Variants in FAT3 observed in about 807,000 individuals in gnomAD.
FAT3 encodes FAT atypical cadherin 3, also known as protocadherin Fat 3.
FAT3 carries 95 observed loss-of-function variants against 310.2 expected under a neutral mutation model. The ratio of observed to expected loss-of-function variants is 0.31; its 90% confidence interval spans 0.26 to 0.36. The LOEUF (loss-of-function observed/expected upper bound fraction) is 0.36, where lower values mean the gene tolerates loss of function less well. Among genes scored for constraint, FAT3 ranks in the 10% least tolerant of loss-of-function variants. FAT3 has a pLI of 1.00. For missense variants in FAT3, 5,408 were observed against 5,715.6 expected (o/e 0.95, Z 1.74); for synonymous variants, 2,314 against 2,192.9 (o/e 1.06, Z -1.54).
Position 92,478,953 on chromosome 11 carries a change from T to TTTCTTTCTTTCTTTCTTTCTTTC in FAT3, c.3293-45679_3293-45678insCTTTCTTTCTTTCTTTCTTTCTT, listed in dbSNP as rs373667758. ...TTCCTTCTCTTTCTTTCTTTCTTTCTTTTCTTTTCTTTTCTTTTCTTTTCT... is the reference window on the plus strand; with the variant it reads ...TTCCTTCTCTTTCTTTCTTTCTTTCTTTCTTTCTTTCTTTCTTTCTTTCTTTCTTTTCTTTTCTTTTCTTTTCT... On this transcript the variant is annotated intron_variant, in intron 2 of 27. Transcript: ENST00000525166. 3.5e-3 allele frequency among the ~76,000 whole-genome samples: 367 copies of TTTCTTTCTTTCTTTCTTTCTTTC among 103,840 alleles called. 1 individual carries two copies. The highest frequency in any genetic ancestry group is 0.011 in the African/African-American group (275 of 25,396). 68.1% of individuals were successfully genotyped at this position (103,840 alleles called of 152,430 possible).
intron 2 of FAT3, among the ~76,000 whole-genome samples, chr11:92,514,092 A>G (rs1043701746): frequency 2.0e-5 from 3 of 152,218 alleles, no homozygotes; most frequent in Admixed American, 6.5e-5. Context: ...CACAATGTAC[A>G]CATTTTTTTC....
intron 2 of FAT3, among the ~76,000 whole-genome samples, chr11:92,521,613 A>ACAT (rs1274083752): frequency 1.3e-5 from 2 of 152,178 alleles, no homozygotes; most frequent in African/African-American, 4.8e-5. Flanking sequence ...CTTGGGTTGA[A>ACAT]CATCTTCTCT....
At chr11:92,243,402 A>G (rs1200697004) in intron 1 of FAT3, among the ~76,000 whole-genome samples, 1 of 152,042 alleles carries the variant, frequency 6.6e-6, no homozygotes, top group Non-Finnish European at 1.5e-5. Context: ...GCTTTTGGGA[A>G]AAGTTTTAAA....
Position 92,261,709 on chromosome 11 carries a change from C to T in FAT3, c.-18+36535C>T, listed in dbSNP as rs183566699. Among the ~76,000 whole-genome samples the T allele has an allele frequency of 2.0e-4, 30 of 152,116 alleles. No homozygotes were observed. The East Asian group carries it at 4.1e-3, about 21-fold the overall frequency. ...TTCCAATCCCTGGGTGGCATTGTAA[C>T]ATATATTTATTCTTGATTGCTCCAG... On this transcript the variant is annotated intron_variant, in intron 1 of 27. Transcript: ENST00000525166.
intron 2 of FAT3, among the ~76,000 whole-genome samples, chr11:92,404,154 T>C (rs936895367): frequency 1.3e-5 from 2 of 152,140 alleles, no homozygotes; most frequent in African/African-American, 4.8e-5. Flanking sequence ...CATTCATTAG[T>C]TCCTCCATTC....
intron 4 of FAT3, among the ~76,000 whole-genome samples, chr11:92,723,835 A>G (rs1011760411): frequency 4.6e-5 from 7 of 152,142 alleles, no homozygotes; most frequent in African/African-American, 1.7e-4. Flanking sequence ...AGACCAGCCC[A>G]CATGATTCAA....
intron 1 of FAT3, among the ~76,000 whole-genome samples, chr11:92,270,490 C>T (rs1397888215): frequency 1.3e-5 from 2 of 151,446 alleles, no homozygotes; most frequent in East Asian, 2.0e-4. Context: ...ATCAGTCTGG[C>T]CAACATGGTG....
chr11:92,248,309 T>C (rs1865007001), intron 1 of FAT3, among the ~76,000 whole-genome samples: 2 of 152,080 alleles, frequency 1.3e-5, no homozygotes, highest in Non-Finnish European at 2.9e-5. Flanking sequence ...AGTATATCAT[T>C]TTTAGTATTT....
intron 9 of FAT3, among the ~76,000 whole-genome samples, chr11:92,793,233 A>C (rs1198274440): frequency 3.3e-5 from 5 of 152,204 alleles, no homozygotes; most frequent in African/African-American, 1.2e-4. Context: ...GATAGAGAAG[A>C]GAAAATAAAT....
At chr11:92,595,032 T>C (rs193162475) in intron 3 of FAT3, among the ~76,000 whole-genome samples, 16 of 151,942 alleles carry the variant, frequency 1.1e-4, no homozygotes, top group Non-Finnish European at 1.9e-4. Flanking sequence ...TGTGTATCCT[T>C]TGGAGCTAGG....
chr11:92,886,854 C>G (rs1457540497), intron 24 of FAT3, 146 bp from the exon 25 acceptor site: 1 of 648,580 alleles, frequency 1.5e-6, no homozygotes, highest in Non-Finnish European at 2.7e-6. Context: ...GTGGCACAGT[C>G]AATTTTCTAC....
At chr11:92,314,241 A>C (rs530596180) in intron 1 of FAT3, 1 of 954,436 alleles carries the variant, frequency 1.0e-6, no homozygotes, top group East Asian at 1.2e-4. Context: ...ATTAATAATT[A>C]AGGTCATTGG....
At chr11:92,815,539 C>T (rs1037024892) in intron 13 of FAT3, among the ~76,000 whole-genome samples, 1 of 151,864 alleles carries the variant, frequency 6.6e-6, no homozygotes, top group Non-Finnish European at 1.5e-5. Flanking sequence ...CGCCACCGCA[C>T]TCCAGCCTGG....
Position 92,746,421 on chromosome 11 carries a change from A to G in FAT3, c.3670-15435A>G, listed in dbSNP as rs188790520. The stretch of plus-strand genomic sequence containing the variant: ...GAACAATATATGAGAAACCGCGCCC[A>G]TGATTCATTTATCGCCACCTGGTCC... On this transcript the variant is annotated intron_variant, in intron 4 of 27. Coordinates refer to ENST00000525166, the MANE Select transcript of FAT3 (RefSeq NM_001367949.2). Among the ~76,000 whole-genome samples, 11 of 152,296 alleles carry G rather than the reference A, an allele frequency of 7.2e-5. 1 individual carries two copies. The highest frequency in any genetic ancestry group is 7.2e-4 in the Admixed American group (11 of 15,292).
chr11:92,566,284 C>G (rs1375741279), intron 3 of FAT3, among the ~76,000 whole-genome samples: 2 of 152,140 alleles, frequency 1.3e-5, no homozygotes, highest in African/African-American at 4.8e-5. Flanking sequence ...CTCCCATTCA[C>G]AATTGCTTCA....
At chr11:92,670,256 T>C (rs1591589405) in intron 3 of FAT3, among the ~76,000 whole-genome samples, 2 of 151,936 alleles carry the variant, frequency 1.3e-5, no homozygotes, top group African/African-American at 4.8e-5. Context: ...GATAGGGAGG[T>C]TTTATTGCTT....
chr11:92,515,408 G>C (rs1052185178), intron 2 of FAT3, among the ~76,000 whole-genome samples: 3 of 151,824 alleles, frequency 2.0e-5, no homozygotes, highest in African/African-American at 7.3e-5. Flanking sequence ...TTCTACATTC[G>C]GTATGGAAAA....
intron 4 of FAT3, among the ~76,000 whole-genome samples, chr11:92,731,917 G>T (rs1451502462): frequency 2.6e-5 from 4 of 152,078 alleles, no homozygotes; most frequent in Non-Finnish European, 5.9e-5. Context: ...CATAAAAATT[G>T]CTTAATCAAT....
intron 22 of FAT3, among the ~76,000 whole-genome samples, chr11:92,877,343 A>G (rs1949555169): frequency 6.6e-6 from 1 of 152,304 alleles, no homozygotes; most frequent in Non-Finnish European, 1.5e-5. Flanking sequence ...TCAGGATTCA[A>G]TCTGGATTCC....
Sources: gnomAD v4.1 joint callset for allele counts (sites outside exome capture counted in the v4.1 genomes callset) on GRCh38, gnomAD v4.1.1 for gene constraint, MANE v1.5 for transcripts, NCBI Gene and HGNC (gene_info 2026-07-23, HGNC 2026-07-21) for gene names.